The following ARFGEF3 variants were observed in gnomAD, a reference collection of about 807,000 sequenced individuals.
The protein encoded by ARFGEF3 is ARFGEF family member 3.
ARFGEF3 carries 96 observed loss-of-function variants against 221.7 expected under a neutral mutation model. The observed-to-expected ratio is 0.43, with a 90% CI of 0.37 to 0.51. The LOEUF is 0.51. Among genes scored for constraint, ARFGEF3 ranks in the 20% least tolerant of loss-of-function variants. The pLI is 0.00. For synonymous variants in ARFGEF3, 1,145 were observed against 1,126.8 expected (o/e 1.02, Z -0.32); for missense variants, 2,410 against 2,789.9 (o/e 0.86, Z 3.07).
intron 4 of ARFGEF3, among the ~76,000 whole-genome samples, chr6:138,223,387 G>A (rs1028848153): frequency 3.9e-5 from 6 of 152,230 alleles, no homozygotes; most frequent in Non-Finnish European, 8.8e-5. Context: ...CAGAGCCAGA[G>A]TCTGGCTTTG....
At chr6:138,218,342 G>A in intron 4 of ARFGEF3, 5 of 1,554,414 alleles carry the variant, frequency 3.2e-6, no homozygotes, top group Non-Finnish European at 2.6e-6. Context: ...TCTGTAAAAT[G>A]TGAATAATAT....
rs1779826341 is a variant in ARFGEF3 at position 138,311,400 on chromosome 6, C to T, written c.4097-7C>T. The T allele has an allele frequency of 6.3e-7, 1 of 1,591,968 alleles. No individual in the cohort carries two copies. Among genetic ancestry groups the T allele is most frequent in the Admixed American group, 1.7e-5 (1 of 57,362 alleles). Reference sequence around the variant, plus strand: ...CTGTTGGTCTCTGTCTCCCGTGCCGCCCCTAGGGGAGGTGGACTGTAAAGA... The same window carrying T: ...CTGTTGGTCTCTGTCTCCCGTGCCGTCCCTAGGGGAGGTGGACTGTAAAGA... On this transcript the variant is annotated splice_polypyrimidine_tract_variant and splice_region_variant and intron_variant, in intron 24 of 33. Coordinates refer to ENST00000251691, the MANE Select transcript of ARFGEF3 (RefSeq NM_020340.5).
chr6:138,324,017 C>T lies in ARFGEF3; in HGVS notation c.4870-6C>T, dbSNP rs775050914. On this transcript the variant is annotated splice_region_variant and splice_polypyrimidine_tract_variant and intron_variant, in intron 30 of 33. Coordinates refer to ENST00000251691, the MANE Select transcript of ARFGEF3 (RefSeq NM_020340.5). ...CATTCAGTGAGCATCTGCTGTTTCT[C>T]CCCAGGACCTGCTGGGCTGCTTCCA... 6.2e-7 allele frequency: 1 copy of T among 1,612,640 alleles called. No homozygotes were observed. The highest frequency in any genetic ancestry group is 1.1e-5 in the South Asian group (1 of 90,922).
intron 2 of ARFGEF3, among the ~76,000 whole-genome samples, chr6:138,173,146 T>C (rs1776872687): frequency 6.6e-6 from 1 of 151,448 alleles, no homozygotes; most frequent in African/African-American, 2.4e-5. Context: ...AAAGAAGAGT[T>C]CACCTTTTTT....
At chr6:138,326,573 T>A (rs768832959) in intron 31 of ARFGEF3, among the ~76,000 whole-genome samples, 1 of 152,180 alleles carries the variant, frequency 6.6e-6, no homozygotes, top group Non-Finnish European at 1.5e-5. Context: ...AGATACCATC[T>A]CACTCAGAAT....
At chr6:138,326,664 A>G (rs182649386) in intron 31 of ARFGEF3, among the ~76,000 whole-genome samples, 1 of 152,314 alleles carries the variant, frequency 6.6e-6, no homozygotes, top group Non-Finnish European at 1.5e-5. Context: ...TGTTGGCGGG[A>G]GTATAAATTA....
intron 2 of ARFGEF3, among the ~76,000 whole-genome samples, chr6:138,199,741 G>A (rs1439415126): frequency 2.6e-5 from 4 of 152,186 alleles, no homozygotes; most frequent in Admixed American, 6.5e-5. Context: ...CAGAAACTTT[G>A]CTGAATTCTT....
In ARFGEF3 at chr6:138,263,015, C is replaced by T. The variant is rs749235121; in HGVS notation, c.1532C>T (p.Thr511Ile). 1.2e-6 allele frequency: 2 copies of T among 1,604,246 alleles called. No individual in the cohort carries two copies. The highest frequency in any genetic ancestry group is 1.1e-5 in the South Asian group (1 of 89,618). Residue 511 changes from threonine (T) to isoleucine (I), a missense_variant, in exon 12 of 34, where the codon ACA becomes ATA. Physicochemically the swap from Thr to Ile is moderately conservative, Grantham distance 89. This residue lies in a region of ARFGEF3 where 594 missense variants were observed against 734.3 expected (regional missense o/e 0.81). Coordinates refer to ENST00000251691, the MANE Select transcript of ARFGEF3 (RefSeq NM_020340.5). ...ATCAGCATCAGTGTCACCACAGACA[C>T]AGGCCAGACCACTCTCGAGGGAGAG... ...LDISISVTTD[T>I]GQTTLEGELG...
chr6:138,285,192 G>T lies in ARFGEF3; in HGVS notation c.2462-754G>T, dbSNP rs145753768. Among the ~76,000 whole-genome samples, 540 of 152,216 alleles carry T rather than the reference G, an allele frequency of 3.5e-3. 1 individual carries two copies. Among genetic ancestry groups the T allele is most frequent in the South Asian group, 0.016 (75 of 4,822 alleles). ...TTATAAGGTATTATTGGCAGGGCAC[G>T]GTGGCTCACGCCTGTAATCCCAGCA... On this transcript the variant is annotated intron_variant, in intron 14 of 33. Coordinates refer to ENST00000251691, the MANE Select transcript of ARFGEF3 (RefSeq NM_020340.5).
intron 1 of ARFGEF3, among the ~76,000 whole-genome samples, chr6:138,167,756 T>A (rs1319702586): frequency 6.6e-6 from 1 of 152,228 alleles, no homozygotes; most frequent in East Asian, 1.9e-4. Context: ...GCTCCTTCCT[T>A]GTCTGCTCTA....
Position 138,324,686 on chromosome 6 carries a change from G to A in ARFGEF3, c.5001+532G>A, listed in dbSNP as rs1171691415. Among the ~76,000 whole-genome samples the A allele has an allele frequency of 3.3e-5, 5 of 152,188 alleles. No homozygotes were observed. The East Asian group carries it at 9.6e-4, about 29-fold the overall frequency. On this transcript the variant is annotated intron_variant, in intron 31 of 33. Transcript: ENST00000251691. ...CACGTGTAAGAAGTCACAAAATTTG[G>A]TTGTCAGCTCCTGAGGAGCAGAGAA...
chr6:138,240,617 C>T (rs150722498), intron 6 of ARFGEF3, among the ~76,000 whole-genome samples: 19 of 152,242 alleles, frequency 1.2e-4, no homozygotes, highest in African/African-American at 4.1e-4. Context: ...TCACCCCAAC[C>T]GGAGGCAAGA....
Position 138,341,986 on chromosome 6 carries a change from T to C in ARFGEF3, c.*5500T>C, listed in dbSNP as rs1057094571. 1 of 152,256 alleles carries C rather than the reference T, an allele frequency of 6.6e-6. No homozygotes were observed. The highest frequency in any genetic ancestry group is 1.5e-5 in the Non-Finnish European group (1 of 68,048). 9.4% of individuals were successfully genotyped at this position (152,256 alleles called of 1,614,324 possible). On this transcript the variant is annotated 3_prime_UTR_variant, in exon 34 of 34. Coordinates refer to ENST00000251691, the MANE Select transcript of ARFGEF3 (RefSeq NM_020340.5). ...GGGAGGAGAGAGTGGCTGACCACTTTAGTGACAAAACAGCACTCCACTGCT... is the reference window on the plus strand; with the variant it reads ...GGGAGGAGAGAGTGGCTGACCACTTCAGTGACAAAACAGCACTCCACTGCT...
At chr6:138,229,373 G>A (rs1289164132) in intron 4 of ARFGEF3, among the ~76,000 whole-genome samples, 1 of 152,182 alleles carries the variant, frequency 6.6e-6, no homozygotes, top group Non-Finnish European at 1.5e-5. Flanking sequence ...TAAAACGGGG[G>A]CAATAATAAT....
At chr6:138,315,606 C>T (rs1431306727) in intron 26 of ARFGEF3, among the ~76,000 whole-genome samples, 1 of 152,138 alleles carries the variant, frequency 6.6e-6, no homozygotes, top group Admixed American at 6.5e-5. Flanking sequence ...AATCCCAACA[C>T]TTTGGGAGGC....
chr6:138,252,185 A>G (rs1258310887), intron 8 of ARFGEF3, among the ~76,000 whole-genome samples: 1 of 152,212 alleles, frequency 6.6e-6, no homozygotes, highest in Non-Finnish European at 1.5e-5. Context: ...GAATAATAAC[A>G]TTATTTAATC....
intron 23 of ARFGEF3, 65 bp from the exon 24 acceptor site, chr6:138,308,674 G>A: frequency 3.8e-6 from 6 of 1,578,978 alleles, no homozygotes; most frequent in Non-Finnish European, 4.3e-6. Context: ...GGGAATATGG[G>A]CAACCCTGGC....
chr6:138,277,773 T>C (rs1338590717), intron 12 of ARFGEF3, among the ~76,000 whole-genome samples: 1 of 152,228 alleles, frequency 6.6e-6, no homozygotes, highest in East Asian at 1.9e-4. Context: ...AACAAGTATA[T>C]GTTAATATAA....
intron 1 of ARFGEF3, among the ~76,000 whole-genome samples, chr6:138,168,204 A>G (rs1234815154): frequency 6.6e-6 from 1 of 152,132 alleles, no homozygotes; most frequent in East Asian, 1.9e-4. Flanking sequence ...ATCAAGATAA[A>G]TAAATAAAAT....
Sources: gnomAD v4.1 joint callset for allele counts (sites outside exome capture counted in the v4.1 genomes callset) on GRCh38, gnomAD v4.1.1 for gene constraint, gnomAD v4.1.1 regional missense constraint, MANE v1.5 for transcripts, NCBI Gene and HGNC (gene_info 2026-07-23, HGNC 2026-07-21) for gene names.